Variants in GYS2 observed in about 807,000 individuals in gnomAD.
The protein encoded by GYS2 is glycogen synthase 2, also known as glycogen [starch] synthase, liver.
Under a neutral mutation model 85.6 loss-of-function variants are expected in GYS2, and 80 were observed. That is an observed-to-expected ratio of 0.93 (90% confidence interval 0.78 to 1.13). The LOEUF is 1.13. Among genes scored for constraint, GYS2 ranks in the 50% most tolerant of loss-of-function variants. GYS2 has a pLI of 0.00. For synonymous variants in GYS2, 328 were observed against 300.7 expected, an observed-to-expected ratio of 1.09 and a Z score of -0.94; for missense variants, 881 against 854.9, an observed-to-expected ratio of 1.03 and a Z score of -0.38.
intron 11 of GYS2, among the ~76,000 whole-genome samples, chr12:21,550,314 A>AAC (rs10582787): frequency 0.035 from 5,218 of 148,258 alleles, 108 homozygotes; most frequent in African/African-American, 0.046. Flanking sequence ...AGACAGAAAG[A>AAC]ACACACACAC....
intron 8 of GYS2, among the ~76,000 whole-genome samples, chr12:21,559,993 A>T (rs1591790367): frequency 1.3e-5 from 2 of 152,180 alleles, no homozygotes; most frequent in African/African-American, 4.8e-5. Flanking sequence ...GGGGGAGTAG[A>T]TGAAGGTATA....
In GYS2 at chr12:21,590,117, C is replaced by A. The variant is rs550495463; in HGVS notation, c.122-9594G>T. 2.3e-4 allele frequency among the ~76,000 whole-genome samples: 35 copies of A among 152,252 alleles called. 1 individual carries two copies. The South Asian group carries it at 6.8e-3, about 30-fold the overall frequency. On this transcript the variant is annotated intron_variant, in intron 1 of 15. Transcript: ENST00000261195. Reference sequence around the variant, plus strand: ...CATCTGGGGCTGAAACACATGCCCACCAGCAACCCATTTATAGCTGCTGCC... The same window carrying A: ...CATCTGGGGCTGAAACACATGCCCAACAGCAACCCATTTATAGCTGCTGCC...
At chr12:21,553,541 C>T (rs1299230661) in intron 11 of GYS2, among the ~76,000 whole-genome samples, 5 of 152,146 alleles carry the variant, frequency 3.3e-5, no homozygotes, top group Admixed American at 3.3e-4. Flanking sequence ...GTCATTTCTG[C>T]CCAACAGGTG....
At chr12:21,572,023 A>G (rs553399900) in intron 4 of GYS2, among the ~76,000 whole-genome samples, 16 of 152,060 alleles carry the variant, frequency 1.1e-4, no homozygotes, top group Admixed American at 3.3e-4. Flanking sequence ...GCAAAACAAG[A>G]AAACTAAAGG....
chr12:21,553,588 C>G (rs767248606), intron 11 of GYS2, among the ~76,000 whole-genome samples: 1 of 152,122 alleles, frequency 6.6e-6, no homozygotes, highest in Admixed American at 6.5e-5. Context: ...GAATCCCTAT[C>G]CCTATTAATA....
chr12:21,548,245 T>C (rs774123949), intron 11 of GYS2, among the ~76,000 whole-genome samples: 9 of 152,234 alleles, frequency 5.9e-5, no homozygotes, highest in Non-Finnish European at 1.3e-4. Context: ...ATGTACAGGT[T>C]ACAGATCCAG....
chr12:21,579,876 A>G (rs1335182020), intron 2 of GYS2, among the ~76,000 whole-genome samples: 1 of 152,172 alleles, frequency 6.6e-6, no homozygotes, highest in African/African-American at 2.4e-5. Flanking sequence ...CATTTGCTAT[A>G]AAAGGTAGCA....
intron 5 of GYS2, among the ~76,000 whole-genome samples, chr12:21,565,823 C>T (rs1469769131): frequency 8.5e-6 from 1 of 117,976 alleles, no homozygotes; most frequent in East Asian, 2.6e-4. Context: ...ACAATGTTAC[C>T]CACCTTTCTG....
At chr12:21,583,629 TTTTGGAGCAA>T (rs1227265322) in intron 1 of GYS2, among the ~76,000 whole-genome samples, 1 of 152,148 alleles carries the variant, frequency 6.6e-6, no homozygotes, top group Non-Finnish European at 1.5e-5. Flanking sequence ...GCCTCTAGGA[TTTTGGAGCAA>T]GGCCCTGCCA....
chr12:21,560,281 T>C (rs1944236446), intron 8 of GYS2, 105 bp downstream of exon 8: 6 of 753,918 alleles, frequency 8.0e-6, no homozygotes, highest in Non-Finnish European at 7.3e-6. Flanking sequence ...TCTGTAATAA[T>C]CTTAAGGAAA....
chr12:21,568,071 CAA>C (rs111543876), intron 5 of GYS2, among the ~76,000 whole-genome samples: 1 of 139,490 alleles, frequency 7.2e-6, no homozygotes. Context: ...GACTCCATCT[CAA>C]AAAAAAAAAA....
At chr12:21,568,283 G>A (rs1462919121) in intron 5 of GYS2, among the ~76,000 whole-genome samples, 2 of 152,120 alleles carry the variant, frequency 1.3e-5, no homozygotes, top group East Asian at 1.9e-4. Context: ...TTGAATGGGA[G>A]CATTCTGATT....
chr12:21,601,680 G>T (rs1484404389), intron 1 of GYS2, among the ~76,000 whole-genome samples: 1 of 151,954 alleles, frequency 6.6e-6, no homozygotes, highest in African/African-American at 2.4e-5. Context: ...AGGACACCTG[G>T]TTCCCTTAGT....
In GYS2 at chr12:21,537,158, A is replaced by C; in HGVS notation, c.1908T>G (p.Tyr636Ter). Residue 636 changes from tyrosine (Y) to a stop codon, truncating the protein, a stop_gained, in exon 16 of 16, where the codon TAT becomes TAG. Coordinates refer to ENST00000261195, the MANE Select transcript of GYS2 (RefSeq NM_021957.4). LOFTEE classifies it high-confidence loss of function. Reference sequence around the variant, plus strand: ...AAGGTGGTACTGAGGAAGGCCTGGGATATTTAAATCCTTCTGTCTGCCAAA... The same window carrying C: ...AAGGTGGTACTGAGGAAGGCCTGGGCTATTTAAATCCTTCTGTCTGCCAAA... ...TSPPTTEGFKYPRPSSVPPSP... is the reference protein window; with the variant it reads ...TSPPTTEGFK 1 of 1,613,464 alleles carries C rather than the reference A, an allele frequency of 6.2e-7. No individual in the cohort carries two copies.
intron 1 of GYS2, among the ~76,000 whole-genome samples, chr12:21,597,808 T>C (rs1237569200): frequency 2.6e-5 from 4 of 152,134 alleles, no homozygotes; most frequent in Non-Finnish European, 5.9e-5. Context: ...TAAGTGTCCA[T>C]CAATGGATGA....
chr12:21,576,570 A>C (rs1259509955), intron 2 of GYS2, among the ~76,000 whole-genome samples: 1 of 152,174 alleles, frequency 6.6e-6, no homozygotes, highest in African/African-American at 2.4e-5. Flanking sequence ...AGTGATGCAA[A>C]ATGTTTCCCA....
chr12:21,596,303 A>G (rs972183176), intron 1 of GYS2, among the ~76,000 whole-genome samples: 2 of 152,024 alleles, frequency 1.3e-5, no homozygotes, highest in African/African-American at 4.8e-5. Context: ...CCAAAAAAGA[A>G]AACTACAGAC....
At chr12:21,553,088 C>T (rs747498735) in intron 11 of GYS2, among the ~76,000 whole-genome samples, 19 of 152,196 alleles carry the variant, frequency 1.2e-4, no homozygotes, top group South Asian at 2.1e-4. Flanking sequence ...CCCACTCTGT[C>T]GCTCAGGCTA....
At chr12:21,580,598 T>C (rs1944497976) in intron 1 of GYS2, 75 bp from the exon 2 acceptor site, 2 of 1,087,616 alleles carry the variant, frequency 1.8e-6, no homozygotes, top group East Asian at 2.4e-5. Flanking sequence ...TGGAAATGAG[T>C]TCAGATTTTT....
Sources: gnomAD v4.1 joint callset for allele counts (sites outside exome capture counted in the v4.1 genomes callset) on GRCh38, gnomAD v4.1.1 for gene constraint, MANE v1.5 for transcripts, NCBI Gene and HGNC (gene_info 2026-07-23, HGNC 2026-07-21) for gene names.